MTFR1L: variants seen among roughly 807,000 people sequenced by gnomAD.
MTFR1L encodes mitochondrial fission regulator 1 like, also known as mitochondrial fission regulator 1-like.
Under a neutral mutation model 27.9 loss-of-function variants are expected in MTFR1L, and 10 were observed. The ratio of observed to expected loss-of-function variants is 0.36; its 90% CI spans 0.22 to 0.61. The LOEUF is 0.61. Ranked by LOEUF, MTFR1L falls within the 20% of genes least tolerant of loss-of-function variation. MTFR1L has a pLI of 0.73. For missense variants in MTFR1L, 315 were observed against 363.7 expected (o/e 0.87, Z 1.09); for synonymous variants, 151 against 139.4 (o/e 1.08, Z -0.58).
At chr1:25,827,154 T>C (rs2048179589) in intron 5 of MTFR1L, among the ~76,000 whole-genome samples, 1 of 151,588 alleles carries the variant, frequency 6.6e-6, no homozygotes, top group Admixed American at 6.6e-5. Context: ...TTTTTTCTCC[T>C]CTGAGTGAGT....
chr1:25,820,468 G>T (rs1353645805), intron 1 of MTFR1L: 1 of 379,154 alleles, frequency 2.6e-6, no homozygotes, highest in Non-Finnish European at 5.0e-6. Flanking sequence ...GTCCCCGCGG[G>T]GAGAGGGTCC....
In MTFR1L at chr1:25,832,013, G is replaced by A; in HGVS notation, c.866G>A (p.Arg289Lys). The A allele has an allele frequency of 6.2e-7, 1 of 1,614,208 alleles. No individual in the cohort carries two copies. The highest frequency in any genetic ancestry group is 8.5e-7 in the Non-Finnish European group (1 of 1,180,042). Residue 289 changes from arginine (R) to lysine (K), a missense_variant, in exon 7 of 7, where the codon AGA becomes AAA. Physicochemically the swap from Arg to Lys is conservative, Grantham distance 26. Coordinates refer to ENST00000374303, the MANE Select transcript of MTFR1L (RefSeq NM_001099625.2). ...GCTCTAAAGGAAGAAGATATCAGTA[G>A]AAAAGGAAATTGACAACCCTCAGCT... ...KFALKEEDIS[R>K]KGN
At chr1:25,830,581 G>T (rs1346381702) in intron 6 of MTFR1L, among the ~76,000 whole-genome samples, 1 of 152,178 alleles carries the variant, frequency 6.6e-6, no homozygotes, top group East Asian at 1.9e-4. Flanking sequence ...GGACTCACCA[G>T]AGGAGCTTGG....
intron 1 of MTFR1L, chr1:25,820,592 C>A: frequency 2.6e-6 from 1 of 386,458 alleles, no homozygotes; most frequent in Admixed American, 3.8e-5. Flanking sequence ...GAGGAGCTCC[C>A]GTTCTCCTGA....
chr1:25,822,699 T>G lies in MTFR1L; in HGVS notation c.-86-320T>G, dbSNP rs184216888. ...CCGCCACCACACCTGGCTAATTTTT[T>G]GTATTTTTAGTAGAGACAGGGCTTC... On this transcript the variant is annotated intron_variant, in intron 1 of 6. Transcript: ENST00000374303. 2.0e-3 allele frequency: 745 copies of G among 377,994 alleles called. 16 individuals carry two copies. The highest frequency in any genetic ancestry group is 9.8e-3 in the East Asian group (195 of 19,890). 23.4% of individuals were successfully genotyped at this position (377,994 alleles called of 1,614,324 possible). A position where few individuals can be genotyped will look rare whatever the true frequency, so the allele number is the denominator to read the frequency against.
intron 1 of MTFR1L, chr1:25,821,032 A>G (rs576838978): frequency 8.7e-5 from 24 of 274,598 alleles, no homozygotes; most frequent in South Asian, 6.9e-4. Context: ...GTTGAGGGCC[A>G]GTGTGGCTGG....
chr1:25,828,847 T>C (rs2048201558), intron 5 of MTFR1L, among the ~76,000 whole-genome samples: 3 of 152,222 alleles, frequency 2.0e-5, no homozygotes, highest in Admixed American at 2.0e-4. Context: ...GAAATCTTCA[T>C]GTATTTAATT....
In MTFR1L at chr1:25,820,727, G is replaced by C. The variant is rs772028064; in HGVS notation, c.-87+698G>C. The C allele has an allele frequency of 9.6e-5, 42 of 436,092 alleles. No homozygotes were observed. The East Asian group carries it at 3.4e-3, about 36-fold the overall frequency. 27.0% of individuals were successfully genotyped at this position (436,092 alleles called of 1,614,324 possible). ...CTTCTAGCCAGTGACACTTGGGGGC[G>C]GGGGTGACAGCTGAGTTGGTGTTCC... On this transcript the variant is annotated intron_variant, in intron 1 of 6. Coordinates refer to ENST00000374303, the MANE Select transcript of MTFR1L (RefSeq NM_001099625.2).
chr1:25,826,239 C>T lies in MTFR1L; in HGVS notation c.130-63C>T. The T allele has an allele frequency of 7.1e-7, 1 of 1,411,664 alleles. No homozygotes were observed. The highest frequency in any genetic ancestry group is 1.2e-5 in the South Asian group (1 of 84,684). 87.4% of individuals were successfully genotyped at this position (1,411,664 alleles called of 1,614,324 possible). A position where few individuals can be genotyped will look rare whatever the true frequency, so the allele number is the denominator to read the frequency against. On this transcript the variant is annotated intron_variant, in intron 3 of 6. Transcript: ENST00000374303. The surrounding 1 kb of genome is among the most constrained non-coding windows in gnomAD (Gnocchi z 4.1). The stretch of plus-strand genomic sequence containing the variant: ...GGATTAGGTACCCCTCCTGTGTATT[C>T]TGCAGTTTCTGATTGGCTCATCATG...
intron 2 of MTFR1L, 184 bp from the exon 3 acceptor site, chr1:25,823,460 C>G (rs1335525706): frequency 1.0e-6 from 1 of 969,834 alleles, no homozygotes; most frequent in African/African-American, 1.6e-5. Context: ...GGGTGGCTGG[C>G]CAGGGTGTAG....
intron 5 of MTFR1L, among the ~76,000 whole-genome samples, chr1:25,827,924 G>A (rs1472605666): frequency 2.0e-5 from 3 of 148,436 alleles, no homozygotes; most frequent in Non-Finnish European, 3.0e-5. Context: ...ATAGGGTTTC[G>A]CCATTGCCCA....
Position 25,827,869 on chromosome 1 carries a change from G to A in MTFR1L, c.451+1043G>A, listed in dbSNP as rs540133916. 9.3e-4 allele frequency among the ~76,000 whole-genome samples: 142 copies of A among 152,012 alleles called. 1 individual carries two copies. Among genetic ancestry groups the A allele is most frequent in the African/African-American group, 3.2e-3 (133 of 41,454 alleles). ...GCCTCCCGAGTAGCTGGGATTATAG[G>A]CGCATGCCACCATGCCCAGCTAATT... On this transcript the variant is annotated intron_variant, in intron 5 of 6. Coordinates refer to ENST00000374303, the MANE Select transcript of MTFR1L (RefSeq NM_001099625.2).
chr1:25,829,308 G>A (rs961836907), intron 5 of MTFR1L, among the ~76,000 whole-genome samples: 1 of 152,096 alleles, frequency 6.6e-6, no homozygotes, highest in Admixed American at 6.6e-5. Context: ...AAAGCCCAGT[G>A]CTTCTACAGC....
intron 1 of MTFR1L, chr1:25,820,619 A>C (rs944415717): frequency 4.9e-6 from 2 of 409,348 alleles, no homozygotes; most frequent in Non-Finnish European, 9.5e-6. Context: ...GCCTGTCAGC[A>C]GACAGCAACT....
Position 25,826,382 on chromosome 1 carries a change from G to A in MTFR1L, c.210G>A (p.Ala70=), listed in dbSNP as rs34991366. The change falls in exon 4 of 7, where the codon GCG becomes GCA. Residue 70 remains alanine (A), a synonymous_variant. Coordinates refer to ENST00000374303, the MANE Select transcript of MTFR1L (RefSeq NM_001099625.2). This position sits in a 1 kb window ranked among gnomAD's most constrained non-coding sequence, Gnocchi z 4.1. Reference sequence around the variant, plus strand: ...TGGCTGACATCGCCTGGATTGCTGCGGATGAAGAGGAGACATATGCCCGGG... The same window carrying A: ...TGGCTGACATCGCCTGGATTGCTGCAGATGAAGAGGAGACATATGCCCGGG... The part of the protein sequence containing the change: ...PTLADIAWIA[A]DEEETYARVR... The A allele has an allele frequency of 2.7e-3, 4,427 of 1,614,186 alleles. 96 individuals carry two copies. In the African/African-American group the frequency reaches 0.05, roughly 18 times the overall value.
chr1:25,823,073 GCCTTGT>G lies in MTFR1L; in HGVS notation c.-27_-22del, dbSNP rs745608808. ...CGCCTCCCGGAGCTGCCCAGTGGCT[GCCTTGT>G]CCTTCAAGTGCAGGAGCTGGTTCAA... On this transcript the variant is annotated 5_prime_UTR_variant, in exon 2 of 7. Coordinates refer to ENST00000374303, the MANE Select transcript of MTFR1L (RefSeq NM_001099625.2). The G allele has an allele frequency of 6.2e-7, 1 of 1,614,206 alleles. No individual in the cohort carries two copies. The highest frequency in any genetic ancestry group is 8.5e-7 in the Non-Finnish European group (1 of 1,180,034).
Position 25,826,068 on chromosome 1 carries a change from C to T in MTFR1L, c.130-234C>T, listed in dbSNP as rs945259247. On this transcript the variant is annotated intron_variant, in intron 3 of 6. Transcript: ENST00000374303. This position sits in a 1 kb window ranked among gnomAD's most constrained non-coding sequence, Gnocchi z 4.1. ...CAGGCTGATCTCAAACTCTTGGTCT[C>T]AAGCATTCTGCCTGCCTCGGCCTCC... The T allele has an allele frequency of 2.1e-6, 1 of 472,342 alleles. No individual in the cohort carries two copies. Among genetic ancestry groups the T allele is most frequent in the African/African-American group, 2.0e-5 (1 of 50,866 alleles). 29.3% of individuals were successfully genotyped at this position (472,342 alleles called of 1,614,324 possible).
intron 3 of MTFR1L, 37 bp downstream of exon 3, chr1:25,823,785 G>A: frequency 6.2e-7 from 1 of 1,608,212 alleles, no homozygotes; most frequent in Non-Finnish European, 8.5e-7. Context: ...TAGAGGCTCA[G>A]ACAGTGCTGC....
chr1:25,824,071 C>A (rs758857641), intron 3 of MTFR1L, among the ~76,000 whole-genome samples: 1 of 152,116 alleles, frequency 6.6e-6, no homozygotes, highest in Non-Finnish European at 1.5e-5. Context: ...GATGAGGTCT[C>A]CCTATGTTGC....
Sources: gnomAD v4.1 joint callset for allele counts (sites outside exome capture counted in the v4.1 genomes callset) on GRCh38, gnomAD v4.1.1 for gene constraint, Gnocchi (gnomAD v3.1) non-coding constraint, MANE v1.5 for transcripts, NCBI Gene and HGNC (gene_info 2026-07-23, HGNC 2026-07-21) for gene names.